The following PASK variants were observed in gnomAD, a reference collection of about 807,000 sequenced individuals.
The protein encoded by PASK is PAS domain containing serine/threonine kinase, also known as PAS domain-containing serine/threonine-protein kinase.
PASK carries 110 observed loss-of-function variants against 121.0 expected under a neutral mutation model. The observed-to-expected ratio is 0.91, with a 90% confidence interval of 0.78 to 1.06. The LOEUF (loss-of-function observed/expected upper bound fraction) is 1.06, where lower values mean the gene tolerates loss of function less well. PASK is among the 50% of genes least tolerant of loss of function. The pLI is 0.00. For missense variants in PASK, 1,643 were observed against 1,702.3 expected (o/e 0.97, Z 0.61); for synonymous variants, 686 against 717.8 (o/e 0.96, Z 0.71).
At chr2:241,120,227 T>C (rs932973284) in intron 12 of PASK, among the ~76,000 whole-genome samples, 6 of 152,266 alleles carry the variant, frequency 3.9e-5, no homozygotes, top group Middle Eastern at 6.8e-3. Context: ...GCACAGTGGC[T>C]CACACCTGTA....
intron 14 of PASK, chr2:241,113,469 C>T (rs2125405590): frequency 2.0e-5 from 3 of 152,368 alleles, no homozygotes; most frequent in Admixed American, 6.5e-5. Context: ...CATATATACA[C>T]ACCTGCATAC....
intron 9 of PASK, among the ~76,000 whole-genome samples, chr2:241,130,861 C>A (rs981442965): frequency 8.5e-5 from 13 of 152,096 alleles, no homozygotes; most frequent in Middle Eastern, 3.2e-3. Flanking sequence ...CATGTGTGTG[C>A]GTACACATAC....
rs1354125851 is a variant in PASK at position 241,140,942 on chromosome 2, C to T, written c.197-189G>A. ...TGGTCCCCAGAATCCACTTAGGCAA[C>T]CACCAGGTCCACTCGGAAGCACAAA... On this transcript the variant is annotated intron_variant, in intron 2 of 17. Transcript: ENST00000234040. 9.4e-6 allele frequency: 6 copies of T among 635,866 alleles called. No individual in the cohort carries two copies. In the South Asian group the frequency reaches 1.1e-4, roughly 11 times the overall value. 39.4% of individuals were successfully genotyped at this position (635,866 alleles called of 1,614,324 possible).
chr2:241,106,342 A>T lies in PASK; in HGVS notation c.*224T>A, dbSNP rs2064879452. On this transcript the variant is annotated 3_prime_UTR_variant, in exon 18 of 18. Coordinates refer to ENST00000234040, the MANE Select transcript of PASK (RefSeq NM_015148.4). Reference sequence around the variant, plus strand: ...ATAATATAAAACAGTTGAACACTGGAATGTTTTTTTCTAGGTCATGAAAAA... The same window carrying T: ...ATAATATAAAACAGTTGAACACTGGTATGTTTTTTTCTAGGTCATGAAAAA... 1.3e-5 allele frequency: 8 copies of T among 598,188 alleles called. No individual in the cohort carries two copies. The allele number at this position is 598,188 out of a possible 1,614,324, so 37.1% of individuals were successfully genotyped here.
At chr2:241,141,997 C>A (rs1468617262) in intron 2 of PASK, among the ~76,000 whole-genome samples, 1 of 152,216 alleles carries the variant, frequency 6.6e-6, no homozygotes, top group East Asian at 1.9e-4. Flanking sequence ...AAGGAACACA[C>A]CTGTCAACAC....
At chr2:241,143,333 G>T (rs2066800616) in intron 1 of PASK, among the ~76,000 whole-genome samples, 1 of 152,094 alleles carries the variant, frequency 6.6e-6, no homozygotes, top group South Asian at 2.1e-4. Flanking sequence ...ACGAGGTCAG[G>T]AGATCGAGGA....
upstream of PASK, chr2:241,149,659 GC>G (rs765352746): frequency 8.2e-5 from 127 of 1,543,524 alleles, no homozygotes; most frequent in African/African-American, 1.4e-3. Context: ...GGGCGCCTCC[GC>G]CCCCGGGCCG....
At chr2:241,150,014 C>T, upstream of PASK, 1 of 1,399,928 alleles carries the variant, frequency 7.1e-7, no homozygotes. Flanking sequence ...CCGTTCGGCC[C>T]ATTGTACAGA....
intron 12 of PASK, chr2:241,118,833 C>G: frequency 1.5e-6 from 1 of 683,394 alleles, no homozygotes; most frequent in Non-Finnish European, 1.9e-6. Context: ...GTGTGGTGTA[C>G]ACACCCCGCA....
Position 241,112,811 on chromosome 2 carries a change from G to A in PASK, c.3334-372C>T. On this transcript the variant is annotated intron_variant, in intron 14 of 17. Coordinates refer to ENST00000234040, the MANE Select transcript of PASK (RefSeq NM_015148.4). This position sits in a 1 kb window ranked among gnomAD's most constrained non-coding sequence, Gnocchi z 5.2. ...CACAGCTCAAAGACACTCATGGTGG[G>A]CAAGTGAATGGGTGCAGGTTTGGTG... The A allele has an allele frequency of 3.5e-6, 1 of 286,362 alleles. No homozygotes were observed. Among genetic ancestry groups the A allele is most frequent in the Admixed American group, 5.1e-5 (1 of 19,660 alleles). The allele number at this position is 286,362 out of a possible 1,614,324, so 17.7% of individuals were successfully genotyped here. A position where few individuals can be genotyped will look rare whatever the true frequency, so the allele number is the denominator to read the frequency against.
chr2:241,149,898 G>C, upstream of PASK: 1 of 1,439,954 alleles, frequency 6.9e-7, no homozygotes, highest in Non-Finnish European at 9.1e-7. Context: ...GGCCCCACCA[G>C]CGCAAGTGCC....
chr2:241,106,661 G>A lies in PASK; in HGVS notation c.3877C>T (p.Gln1293Ter). 6.2e-7 allele frequency: 1 copy of A among 1,614,112 alleles called. No individual in the cohort carries two copies. Among genetic ancestry groups the A allele is most frequent in the Non-Finnish European group, 8.5e-7 (1 of 1,179,944 alleles). ...MGNRSLSDVAQAQELCGGPVP... is the reference protein window; with the variant it reads ...MGNRSLSDVA ...GGGCCCCCACAAAGCTCCTGAGCCT[G>A]GGCCACATCACTCAGGCTCCTGTTC... The change falls in exon 18 of 18, where the codon CAG becomes TAG. Residue 1293 changes from glutamine (Q) to a stop codon, truncating the protein, a stop_gained. Transcript: ENST00000234040. LOFTEE classifies it low-confidence loss of function (END_TRUNC).
At chr2:241,130,375 G>A (rs2066070176) in intron 9 of PASK, among the ~76,000 whole-genome samples, 1 of 152,158 alleles carries the variant, frequency 6.6e-6, no homozygotes, top group Non-Finnish European at 1.5e-5. Flanking sequence ...AACTCCCTTG[G>A]TACCACCAAG....
chr2:241,114,459 C>G (rs2065241364), intron 14 of PASK: 2 of 996,868 alleles, frequency 2.0e-6, no homozygotes, highest in Admixed American at 1.1e-4. Context: ...CTCCTTAAAA[C>G]CCAACACGAG....
chr2:241,137,183 T>C lies in PASK; in HGVS notation c.958A>G (p.Ser320Gly). 6.2e-7 allele frequency: 1 copy of C among 1,612,678 alleles called. No individual in the cohort carries two copies. Among genetic ancestry groups the C allele is most frequent in the Non-Finnish European group, 8.5e-7 (1 of 1,179,102 alleles). Reference protein sequence around the residue: ...PLSLKLKSQPSSEEATTGEAA... With the variant: ...PLSLKLKSQPGSEEATTGEAA... ...TCACCGGTGGTCGCCTCCTCGCTGC[T>C]GGGTTGGGATTTCAGCTTTAAGCTC... The change falls in exon 7 of 18, where the codon AGC becomes GGC. Residue 320 changes from serine to glycine, a missense_variant. Ser to Gly is a moderately conservative substitution (Grantham distance 56, BLOSUM62 0). Coordinates refer to ENST00000234040, the MANE Select transcript of PASK (RefSeq NM_015148.4).
At chr2:241,114,556 T>G (rs932784803) in intron 14 of PASK, 11 of 1,010,536 alleles carry the variant, frequency 1.1e-5, no homozygotes, top group Non-Finnish European at 1.2e-5. Context: ...ATGGCCGAAG[T>G]TCAATATGTA....
intron 9 of PASK, among the ~76,000 whole-genome samples, chr2:241,129,842 C>T (rs548498206): frequency 1.1e-3 from 161 of 152,338 alleles, no homozygotes; most frequent in African/African-American, 3.5e-3. Flanking sequence ...ACCGTAGGTC[C>T]TCCAGTGGGG....
At chr2:241,149,684 T>C (rs1471217556), upstream of PASK, 3 of 1,549,148 alleles carry the variant, frequency 1.9e-6, no homozygotes, top group South Asian at 3.6e-5. Context: ...AGATGCGGTT[T>C]CCTCCCGACT....
At chr2:241,113,949 T>C (rs1460772943) in intron 14 of PASK, 9 of 982,470 alleles carry the variant, frequency 9.2e-6, no homozygotes, top group African/African-American at 1.8e-5. Context: ...TAGAATAACA[T>C]TTATGTCTAT....
Sources: gnomAD v4.1 joint callset for allele counts (sites outside exome capture counted in the v4.1 genomes callset) on GRCh38, gnomAD v4.1.1 for gene constraint, Gnocchi (gnomAD v3.1) non-coding constraint, MANE v1.5 for transcripts, NCBI Gene and HGNC (gene_info 2026-07-23, HGNC 2026-07-21) for gene names.